OSBPL11: variants seen among roughly 807,000 people sequenced by gnomAD.
OSBPL11 encodes the protein oxysterol-binding protein-related protein 11.
In OSBPL11, 33 loss-of-function variants were observed where a neutral mutation model predicts 84.4. That is an observed-to-expected ratio of 0.39 (90% confidence interval 0.30 to 0.52). The LOEUF is 0.52. Among genes scored for constraint, OSBPL11 ranks in the 20% least tolerant of loss-of-function variants. The pLI, the probability that OSBPL11 is intolerant of heterozygous loss-of-function variation, is 0.72. For synonymous variants in OSBPL11, 276 were observed against 310.2 expected (o/e 0.89, Z 1.16); for missense variants, 736 against 901.1 (o/e 0.82, Z 2.35).
intron 5 of OSBPL11, among the ~76,000 whole-genome samples, chr3:125,573,083 G>A (rs1186942604): frequency 1.3e-5 from 2 of 151,076 alleles, no homozygotes; most frequent in African/African-American, 2.4e-5. Flanking sequence ...TAGCATAAAT[G>A]TTAAAAGTTG....
chr3:125,590,116 T>C (rs762604550), intron 1 of OSBPL11, among the ~76,000 whole-genome samples: 5 of 152,298 alleles, frequency 3.3e-5, no homozygotes, highest in South Asian at 2.1e-4. Flanking sequence ...ATATTCACTA[T>C]GAAAAAGGAA....
In OSBPL11 at chr3:125,552,426, G is replaced by C; in HGVS notation, c.1409C>G (p.Ser470Cys). The C allele has an allele frequency of 1.2e-6, 2 of 1,614,162 alleles. No homozygotes were observed. The highest frequency in any genetic ancestry group is 2.2e-5 in the East Asian group (1 of 44,880). The stretch of plus-strand genomic sequence containing the variant: ...GGTGGAAGAACTGCTAAAAACACTG[G>C]ATGCTACCTCGCTTTTTGGCATCTT... ...SWKMPKSEVA[S>C]SVFSSSSTQG... is the part of the protein sequence containing the mutation. Residue 470 changes from serine (S) to cysteine (C), a missense_variant, in exon 9 of 13, where the codon TCC (serine) becomes TGC (cysteine). Physicochemically the swap from Ser to Cys is moderately radical, Grantham distance 112. Transcript: ENST00000296220.
At chr3:125,570,459 G>C (rs1936227440) in intron 5 of OSBPL11, among the ~76,000 whole-genome samples, 1 of 152,106 alleles carries the variant, frequency 6.6e-6, no homozygotes, top group Admixed American at 6.5e-5. Context: ...CGAGGCTGCA[G>C]TGAGCTATGC....
In OSBPL11 at chr3:125,549,827, G is replaced by C. The variant is rs76391998; in HGVS notation, c.1655-2235C>G. 5.4e-3 allele frequency among the ~76,000 whole-genome samples: 819 copies of C among 152,196 alleles called. 6 individuals are homozygous for C. The highest frequency in any genetic ancestry group is 0.027 in the Middle Eastern group (8 of 294). On this transcript the variant is annotated intron_variant, in intron 9 of 12. Coordinates refer to ENST00000296220, the MANE Select transcript of OSBPL11 (RefSeq NM_022776.5). The stretch of plus-strand genomic sequence containing the variant: ...AAGTACTTCCTTTCTTGCAGTGTGA[G>C]AGGCTACCATTTCCAGATTCTTACT...
chr3:125,562,156 T>C (rs530832948), intron 7 of OSBPL11, among the ~76,000 whole-genome samples: 3 of 152,306 alleles, frequency 2.0e-5, no homozygotes, highest in Admixed American at 6.5e-5. Flanking sequence ...GTCTTCTTCC[T>C]TTCTCTGAAT....
chr3:125,541,950 G>A (rs894499777), intron 10 of OSBPL11, among the ~76,000 whole-genome samples: 1 of 152,086 alleles, frequency 6.6e-6, no homozygotes, highest in Non-Finnish European at 1.5e-5. Flanking sequence ...CTCAAAGTCC[G>A]GTTCTTCCCA....
rs1311676371 is a variant in OSBPL11, at chr3:125,529,737, T to A, written c.*778A>T. ...CATCATATTGACATTAACACATTTT[T>A]AAAAAGTGTCTCTCAAGTGTAATAT... On this transcript the variant is annotated 3_prime_UTR_variant, in exon 13 of 13. Transcript: ENST00000296220. 1 of 152,642 alleles carries A rather than the reference T, an allele frequency of 6.6e-6. No individual in the cohort carries two copies. Among genetic ancestry groups the A allele is most frequent in the African/African-American group, 2.4e-5 (1 of 41,458 alleles). 9.5% of individuals were successfully genotyped at this position (152,642 alleles called of 1,614,324 possible).
At chr3:125,545,015 G>C (rs1414405063) in intron 10 of OSBPL11, among the ~76,000 whole-genome samples, 1 of 152,098 alleles carries the variant, frequency 6.6e-6, no homozygotes, top group African/African-American at 2.4e-5. Context: ...TCTAGATCCT[G>C]TCTCTAAGAG....
intron 9 of OSBPL11, 25 bp downstream of exon 9, chr3:125,552,155 AT>A (rs1304943610): frequency 1.1e-4 from 137 of 1,262,686 alleles, no homozygotes; most frequent in East Asian, 9.1e-4. Flanking sequence ...ATATATATAT[AT>A]ATATAAAATA....
At chr3:125,563,982 A>G (rs188342764) in intron 6 of OSBPL11, 139 bp from the exon 7 acceptor site, 5 of 831,266 alleles carry the variant, frequency 6.0e-6, no homozygotes, top group Non-Finnish European at 9.2e-6. Context: ...CAAGACAGCC[A>G]CTTATATCTC....
At chr3:125,531,594 C>A (rs959318310) in intron 12 of OSBPL11, among the ~76,000 whole-genome samples, 1 of 151,974 alleles carries the variant, frequency 6.6e-6, no homozygotes, top group Non-Finnish European at 1.5e-5. Flanking sequence ...CCCGGCCACC[C>A]CCTAGCTCAT....
rs1186203652 is a variant in OSBPL11 at position 125,582,947 on chromosome 3, T to C, written c.196A>G (p.Met66Val). ...DHMENVYGYL[M>V]KYTNLVTGWQ... ...CCAGTGACAAGGTTGGTATACTTCATTAAATAGCCATACACATTTTCCATG... is the reference window on the plus strand; with the variant it reads ...CCAGTGACAAGGTTGGTATACTTCACTAAATAGCCATACACATTTTCCATG... The change falls in exon 2 of 13, where the codon ATG (methionine) becomes GTG (valine). Residue 66 changes from methionine to valine, a missense_variant. Coordinates refer to ENST00000296220, the MANE Select transcript of OSBPL11 (RefSeq NM_022776.5). 6 of 1,595,224 alleles carry C rather than the reference T, an allele frequency of 3.8e-6. No individual in the cohort carries two copies. Among genetic ancestry groups the C allele is most frequent in the Non-Finnish European group, 4.3e-6 (5 of 1,175,562 alleles).
chr3:125,549,279 C>T lies in OSBPL11; in HGVS notation c.1655-1687G>A, dbSNP rs142874896. ...CCTCAGCTAATCCACCCACCTCGGG[C>T]TCCCAAAGTGCTGGGATTACAGGCG... On this transcript the variant is annotated intron_variant, in intron 9 of 12. Transcript: ENST00000296220. 1.0e-3 allele frequency among the ~76,000 whole-genome samples: 154 copies of T among 152,326 alleles called. 2 individuals are homozygous for T. In the East Asian group the frequency reaches 0.029, roughly 28 times the overall value.
chr3:125,593,241 A>G (rs1008611468), intron 1 of OSBPL11, among the ~76,000 whole-genome samples: 7 of 152,162 alleles, frequency 4.6e-5, no homozygotes, highest in African/African-American at 1.7e-4. Flanking sequence ...CACATACAAA[A>G]AAATCATGCT....
chr3:125,531,533 C>T (rs1935555815), intron 12 of OSBPL11, among the ~76,000 whole-genome samples: 3 of 151,976 alleles, frequency 2.0e-5, no homozygotes, highest in Non-Finnish European at 4.4e-5. Context: ...TCAGGTGATC[C>T]GCCTGCCTCG....
chr3:125,550,425 A>AAAGAG (rs1553733059), intron 9 of OSBPL11, among the ~76,000 whole-genome samples: 13 of 149,628 alleles, frequency 8.7e-5, no homozygotes, highest in East Asian at 1.9e-4. Flanking sequence ...AAAAAAAAAA[A>AAAGAG]AGAGAGTACT....
At chr3:125,572,418 G>C (rs949363249) in intron 5 of OSBPL11, among the ~76,000 whole-genome samples, 1 of 152,146 alleles carries the variant, frequency 6.6e-6, no homozygotes, top group Non-Finnish European at 1.5e-5. Flanking sequence ...AATGTGAGGA[G>C]ATGAGATTTG....
At position 125,595,337 on chromosome 3, in the gene OSBPL11, G is replaced by C. The variant is rs1443291240; in HGVS notation, c.-537C>G. ...CAGCCGGGGAGGAGGGTCGGGGAAT[G>C]AGGCCGCCGGGGGCGGGACGCCGGC... On this transcript the variant is annotated 5_prime_UTR_variant, in exon 1 of 13. Coordinates refer to ENST00000296220, the MANE Select transcript of OSBPL11 (RefSeq NM_022776.5). 6.6e-6 allele frequency among the ~76,000 whole-genome samples: 1 copy of C among 151,884 alleles called. No individual in the cohort carries two copies. Among genetic ancestry groups the C allele is most frequent in the Non-Finnish European group, 1.5e-5 (1 of 67,966 alleles).
At position 125,582,968 on chromosome 3, in the gene OSBPL11, C is replaced by T; in HGVS notation, c.175G>A (p.Glu59Lys). 6.3e-7 allele frequency: 1 copy of T among 1,586,392 alleles called. No individual in the cohort carries two copies. Among genetic ancestry groups the T allele is most frequent in the Non-Finnish European group, 8.5e-7 (1 of 1,172,466 alleles). ...AKGWQYSDHM[E>K]NVYGYLMKYT... ...TTCATTAAATAGCCATACACATTTTCCATGTGATCACTATTTCAAAATGAA... is the reference window on the plus strand; with the variant it reads ...TTCATTAAATAGCCATACACATTTTTCATGTGATCACTATTTCAAAATGAA... The change falls in exon 2 of 13, where the codon GAA becomes AAA. Residue 59 changes from glutamate to lysine, a missense_variant. This residue lies in a region of OSBPL11 where 114 missense variants were observed against 104.9 expected (regional missense o/e 1.09). Coordinates refer to ENST00000296220, the MANE Select transcript of OSBPL11 (RefSeq NM_022776.5).
Sources: gnomAD v4.1 joint callset for allele counts (sites outside exome capture counted in the v4.1 genomes callset) on GRCh38, gnomAD v4.1.1 for gene constraint, gnomAD v4.1.1 regional missense constraint, MANE v1.5 for transcripts, NCBI Gene and HGNC (gene_info 2026-07-23, HGNC 2026-07-21) for gene names.